Variants in CHRNA5 observed in about 807,000 individuals in gnomAD.
The protein encoded by CHRNA5 is cholinergic receptor nicotinic alpha 5 subunit.
In CHRNA5, 28 loss-of-function variants were observed where a neutral mutation model predicts 41.2. The observed-to-expected ratio is 0.68, with a 90% CI of 0.50 to 0.93. CHRNA5 has a LOEUF of 0.93. CHRNA5 is among the 40% of genes least tolerant of loss of function. CHRNA5 has a pLI of 0.00. For synonymous variants in CHRNA5, 188 were observed against 205.8 expected, an observed-to-expected ratio of 0.91 and a Z score of 0.74; for missense variants, 481 against 581.9, an observed-to-expected ratio of 0.83 and a Z score of 1.78.
At chr15:78,591,655 C>G (rs1185548367) in intron 5 of CHRNA5, among the ~76,000 whole-genome samples, 1 of 152,102 alleles carries the variant, frequency 6.6e-6, no homozygotes, top group Non-Finnish European at 1.5e-5. Context: ...ATTTTTAAAA[C>G]TTTTTTTCAT....
intron 1 of CHRNA5, among the ~76,000 whole-genome samples, chr15:78,579,809 T>A (rs1237436283): frequency 6.6e-6 from 1 of 152,170 alleles, no homozygotes; most frequent in Non-Finnish European, 1.5e-5. Flanking sequence ...GGCTCAACCC[T>A]TCTTGCTGCA....
intron 1 of CHRNA5, among the ~76,000 whole-genome samples, chr15:78,570,102 G>A (rs1481077179): frequency 6.6e-6 from 1 of 152,080 alleles, no homozygotes; most frequent in East Asian, 1.9e-4. Flanking sequence ...GATTACAGGC[G>A]TGAGCCACCG....
rs116991229 is a variant in CHRNA5 at position 78,582,213 on chromosome 15, T to C, written c.258+1251T>C. On this transcript the variant is annotated intron_variant, in intron 2 of 5. Coordinates refer to ENST00000299565, the Ensembl canonical transcript of CHRNA5. ...GGAAAAGTAAGGTGGTAGCCAGGTGTGGTGGTTCATGCCTGTTATCCCAGC... is the reference window on the plus strand; with the variant it reads ...GGAAAAGTAAGGTGGTAGCCAGGTGCGGTGGTTCATGCCTGTTATCCCAGC... Among the ~76,000 whole-genome samples, 1,305 of 152,232 alleles carry C rather than the reference T, an allele frequency of 8.6e-3. 8 individuals carry two copies. The highest frequency in any genetic ancestry group is 0.015 in the Non-Finnish European group (1,034 of 68,000).
chr15:78,570,009 G>A (rs1202472706), intron 1 of CHRNA5, among the ~76,000 whole-genome samples: 2 of 150,486 alleles, frequency 1.3e-5, no homozygotes, highest in Admixed American at 6.6e-5. Context: ...TAGTAGAGAT[G>A]GGGTTTCTCC....
intron 5 of CHRNA5, among the ~76,000 whole-genome samples, chr15:78,592,514 T>C (rs1000379646): frequency 6.6e-6 from 1 of 152,150 alleles, no homozygotes; most frequent in African/African-American, 2.4e-5. Flanking sequence ...TCATCCTTCT[T>C]TTTCCTTGTG....
intron 1 of CHRNA5, among the ~76,000 whole-genome samples, chr15:78,568,747 C>T (rs548300311): frequency 1.3e-5 from 2 of 152,234 alleles, no homozygotes; most frequent in East Asian, 3.9e-4. Context: ...GGTGTCTGTT[C>T]CTGTGTTAGT....
chr15:78,575,413 CT>C (rs1264808998), intron 1 of CHRNA5, among the ~76,000 whole-genome samples: 1 of 152,002 alleles, frequency 6.6e-6, no homozygotes, highest in Non-Finnish European at 1.5e-5. Context: ...TTTTAGTGTG[CT>C]TCACTGCTTG....
chr15:78,568,267 A>G (rs1028387558), intron 1 of CHRNA5, among the ~76,000 whole-genome samples: 4 of 152,164 alleles, frequency 2.6e-5, no homozygotes, highest in Non-Finnish European at 5.9e-5. Flanking sequence ...CAATTAAAGT[A>G]TAATATATTA....
intron 2 of CHRNA5, among the ~76,000 whole-genome samples, chr15:78,585,194 T>C (rs1041152326): frequency 3.3e-5 from 5 of 152,262 alleles, no homozygotes; most frequent in African/African-American, 1.2e-4. Flanking sequence ...GGATTACAGG[T>C]GTGAGCCACC....
exon 6 of CHRNA5, chr15:78,593,914 C>A: frequency 6.6e-6 from 1 of 152,336 alleles, no homozygotes; most frequent in Non-Finnish European, 1.5e-5. Context: ...TGGTGCACAC[C>A]TGTAATCCCA....
chr15:78,590,849 C>A, intron 5 of CHRNA5: 1 of 540,098 alleles, frequency 1.9e-6, no homozygotes, highest in Non-Finnish European at 3.2e-6. Flanking sequence ...ACAAATCTCA[C>A]TTCTCCACTT....
intron 3 of CHRNA5, among the ~76,000 whole-genome samples, chr15:78,587,817 T>C (rs2052975344): frequency 6.6e-6 from 1 of 152,198 alleles, no homozygotes; most frequent in Admixed American, 6.5e-5. Flanking sequence ...CCCGAACTCC[T>C]GAAAGGCATA....
At chr15:78,577,941 A>G (rs1439318079) in intron 1 of CHRNA5, among the ~76,000 whole-genome samples, 2 of 146,274 alleles carry the variant, frequency 1.4e-5, no homozygotes, top group African/African-American at 5.1e-5. Context: ...AAAAAAAAAA[A>G]GACATTTTAT....
intron 3 of CHRNA5, among the ~76,000 whole-genome samples, chr15:78,587,685 C>T (rs2052973949): frequency 6.6e-6 from 1 of 152,056 alleles, no homozygotes; most frequent in Non-Finnish European, 1.5e-5. Context: ...AATAGATAGT[C>T]CCTTTTATAT....
At chr15:78,580,185 T>A (rs1420947879) in intron 1 of CHRNA5, among the ~76,000 whole-genome samples, 1 of 138,366 alleles carries the variant, frequency 7.2e-6, no homozygotes, top group Non-Finnish European at 1.5e-5. Flanking sequence ...GAGGCTGAGG[T>A]GGAGAATTGC....
At chr15:78,593,058 A>G (rs764603712) in intron 5 of CHRNA5, 34 bp from the exon 6 acceptor site, 35 of 1,592,032 alleles carry the variant, frequency 2.2e-5, no homozygotes, top group Non-Finnish European at 2.9e-5. Flanking sequence ...ACAATTTACA[A>G]TTATTTAATG....
chr15:78,593,698 A>G (rs2053049257), exon 6 of CHRNA5: 1 of 152,480 alleles, frequency 6.6e-6, no homozygotes, highest in Admixed American at 6.5e-5. Flanking sequence ...GCTATATTTA[A>G]AAAGCTGACT....
In CHRNA5 at chr15:78,569,717, G is replaced by A. The variant is rs530325590; in HGVS notation, c.106+3892G>A. ...CAAAGTGCTGGGATTACAGGTGTGA[G>A]CCACCGTGCCCGGCCTGGAATTGTT... On this transcript the variant is annotated intron_variant, in intron 1 of 5. Coordinates refer to ENST00000299565, the Ensembl canonical transcript of CHRNA5. Among the ~76,000 whole-genome samples, 9 of 152,210 alleles carry A rather than the reference G, an allele frequency of 5.9e-5. 1 individual carries two copies. Among genetic ancestry groups the A allele is most frequent in the African/African-American group, 2.2e-4 (9 of 41,504 alleles).
intron 2 of CHRNA5, among the ~76,000 whole-genome samples, chr15:78,585,185 G>A (rs2052947662): frequency 6.6e-6 from 1 of 152,190 alleles, no homozygotes; most frequent in South Asian, 2.1e-4. Context: ...CAAGTGCTGG[G>A]ATTACAGGTG....
Sources: gnomAD v4.1 joint callset for allele counts (sites outside exome capture counted in the v4.1 genomes callset) on GRCh38, gnomAD v4.1.1 for gene constraint, MANE v1.5 for transcripts, NCBI Gene and HGNC (gene_info 2026-07-23, HGNC 2026-07-21) for gene names.